Variants in SPTAN1 observed in about 807,000 individuals in gnomAD.
SPTAN1 encodes the protein spectrin alpha, non-erythrocytic 1.
In SPTAN1, 61 loss-of-function variants were observed where a neutral mutation model predicts 331.3. That is an observed-to-expected ratio of 0.18 (90% CI 0.15 to 0.23). The LOEUF (loss-of-function observed/expected upper bound fraction) is 0.23. SPTAN1 is among the 10% of genes least tolerant of loss of function. The pLI, the probability that SPTAN1 is intolerant of heterozygous loss-of-function variation, is 1.00. For missense variants in SPTAN1, 2,043 were observed against 3,147.9 expected (o/e 0.65, Z 8.40); for synonymous variants, 1,153 against 1,173.9 (o/e 0.98, Z 0.36).
Position 128,566,848 on chromosome 9 carries a change from G to A in SPTAN1, c.108G>A (p.Arg36=), listed in dbSNP as rs371017342. 41 of 1,614,090 alleles carry A rather than the reference G, an allele frequency of 2.5e-5. No homozygotes were observed. The African/African-American group carries it at 4.4e-4, about 17-fold the overall frequency. The part of the protein sequence containing the change: ...YHRFKELSTL[R]RQKLEDSYRF... ...GCTTCAAGGAACTCTCAACCCTTAG[G>A]CGTCAGAAGCTGGAAGATTCCTATC... The change falls in exon 2 of 57, where the codon AGG becomes AGA. Residue 36 remains arginine, a synonymous_variant. Coordinates refer to ENST00000372739, the MANE Select transcript of SPTAN1 (RefSeq NM_001130438.3).
chr9:128,619,922 C>T (rs1028153651), intron 44 of SPTAN1, among the ~76,000 whole-genome samples: 34 of 152,216 alleles, frequency 2.2e-4, no homozygotes, highest in African/African-American at 8.0e-4. Flanking sequence ...TCAGGCAGAG[C>T]GTGGCTGGGC....
chr9:128,575,248 A>C lies in SPTAN1; in HGVS notation c.554A>C (p.Glu185Ala). ...EELGQDLEHVEVLQKKFEEFQ... is the reference protein window; with the variant it reads ...EELGQDLEHVAVLQKKFEEFQ... ...CTGGGCCAGGATCTGGAGCATGTAG[A>C]GGTTTTACAGAAGAAATTTGAAGAG... is the stretch of plus-strand genomic sequence containing the variant. The change falls in exon 5 of 57, where the codon GAG (glutamate) becomes GCG (alanine). Residue 185 changes from glutamate to alanine, a missense_variant. Transcript: ENST00000372739. 6.2e-7 allele frequency: 1 copy of C among 1,614,204 alleles called. No homozygotes were observed. Among genetic ancestry groups the C allele is most frequent in the Non-Finnish European group, 8.5e-7 (1 of 1,180,042 alleles).
intron 46 of SPTAN1, 77 bp downstream of exon 46, chr9:128,624,564 C>A: frequency 6.4e-7 from 1 of 1,551,574 alleles, no homozygotes; most frequent in Non-Finnish European, 8.8e-7. Context: ...TGGTTTTCTT[C>A]TGCAGAGAAG....
At position 128,583,779 on chromosome 9, in the gene SPTAN1, C is replaced by G. The variant is rs368330278; in HGVS notation, c.2012-9C>G. On this transcript the variant is annotated splice_polypyrimidine_tract_variant and intron_variant, in intron 15 of 56. Transcript: ENST00000372739. ...AGCAGTACAAAATTAAACTTGTTTT[C>G]TTCCATAGGAATAAAGCTTCGTGAA... is the stretch of plus-strand genomic sequence containing the variant. 6.2e-7 allele frequency: 1 copy of G among 1,614,162 alleles called. No individual in the cohort carries two copies. The highest frequency in any genetic ancestry group is 1.3e-5 in the African/African-American group (1 of 75,048).
chr9:128,563,225 G>A (rs576106278), intron 1 of SPTAN1, among the ~76,000 whole-genome samples: 163 of 151,718 alleles, frequency 1.1e-3, no homozygotes, highest in African/African-American at 3.8e-3. Flanking sequence ...AGACTAGCCT[G>A]GGCAACATGG....
rs1368132952 is a variant in SPTAN1 at position 128,605,416 on chromosome 9, G to A, written c.3985G>A (p.Asp1329Asn). 6.2e-7 allele frequency: 1 copy of A among 1,614,212 alleles called. No homozygotes were observed. Among genetic ancestry groups the A allele is most frequent in the Non-Finnish European group, 8.5e-7 (1 of 1,180,040 alleles). ...QAWSSLGKRADQRKAKLGDSH... is the reference protein window; with the variant it reads ...QAWSSLGKRANQRKAKLGDSH... Reference sequence around the variant, plus strand: ...CTGGAGCAGCCTGGGGAAACGTGCAGATCAGCGCAAGGCAAAGTTGGGTGA... The same window carrying A: ...CTGGAGCAGCCTGGGGAAACGTGCAAATCAGCGCAAGGCAAAGTTGGGTGA... Residue 1329 changes from aspartate to asparagine, a missense_variant, in exon 31 of 57, where the codon GAT becomes AAT. Transcript: ENST00000372739.
In SPTAN1 at chr9:128,612,373, A is replaced by C. The variant is rs1468254640; in HGVS notation, c.5043+127A>C. 4.9e-6 allele frequency: 6 copies of C among 1,218,142 alleles called. No homozygotes were observed. The Admixed American group carries it at 5.4e-5, about 11-fold the overall frequency. 75.5% of individuals were successfully genotyped at this position (1,218,142 alleles called of 1,614,324 possible). A position where few individuals can be genotyped will look rare whatever the true frequency, so the allele number is the denominator to read the frequency against. ...GACACCCCTTTTGACAGAAACCCTTATTATATATGAGTTGCATGCTGTAAG... is the reference window on the plus strand; with the variant it reads ...GACACCCCTTTTGACAGAAACCCTTCTTATATATGAGTTGCATGCTGTAAG... On this transcript the variant is annotated intron_variant, in intron 39 of 56. Transcript: ENST00000372739.
chr9:128,582,982 A>G, intron 14 of SPTAN1, 95 bp from the exon 15 acceptor site: 1 of 1,573,582 alleles, frequency 6.4e-7, no homozygotes, highest in Non-Finnish European at 8.7e-7. Context: ...CAACTGTTTT[A>G]TACATTCCTC....
At chr9:128,562,784 G>C (rs1849526091) in intron 1 of SPTAN1, among the ~76,000 whole-genome samples, 1 of 151,768 alleles carries the variant, frequency 6.6e-6, no homozygotes, top group South Asian at 2.1e-4. Flanking sequence ...CTAGCACGGT[G>C]AAACGCCATC....
intron 19 of SPTAN1, 136 bp from the exon 20 acceptor site, chr9:128,587,470 G>C (rs2131234576): frequency 1.4e-6 from 1 of 734,964 alleles, no homozygotes. Context: ...TATTAGCACT[G>C]TAAGAAGGGC....
intron 56 of SPTAN1, 109 bp downstream of exon 56, chr9:128,633,064 T>C: frequency 6.3e-7 from 1 of 1,592,160 alleles, no homozygotes; most frequent in Non-Finnish European, 8.6e-7. Flanking sequence ...ATTCTCCCCA[T>C]TTACAAATCA....
chr9:128,599,052 A>G, intron 26 of SPTAN1, 66 bp downstream of exon 26: 2 of 1,497,156 alleles, frequency 1.3e-6, no homozygotes, highest in Non-Finnish European at 1.9e-6. Context: ...GAAGAATATC[A>G]AGCCAAGAAC....
chr9:128,607,682 G>A lies in SPTAN1; in HGVS notation c.4125G>A (p.Glu1375=), dbSNP rs1856065118. The change falls in exon 32 of 57, where the codon GAG becomes GAA. Residue 1375 remains glutamate, a synonymous_variant. Coordinates refer to ENST00000372739, the MANE Select transcript of SPTAN1 (RefSeq NM_001130438.3). ...TAGCCAAGGATGTCACCGGAGCTGA[G>A]GCATTGCTGGAGCGACACCAGGTGG... ...DELAKDVTGA[E]ALLERHQEHR... is the part of the protein sequence containing the mutation. 6.2e-7 allele frequency: 1 copy of A among 1,613,952 alleles called. No individual in the cohort carries two copies. The highest frequency in any genetic ancestry group is 1.3e-5 in the African/African-American group (1 of 74,888).
At chr9:128,604,886 T>C in intron 29 of SPTAN1, 148 bp from the exon 30 acceptor site, 1 of 814,992 alleles carries the variant, frequency 1.2e-6, no homozygotes, top group Non-Finnish European at 1.8e-6. Flanking sequence ...TGAGCTGAGA[T>C]TGTGCATTGT....
intron 10 of SPTAN1, among the ~76,000 whole-genome samples, chr9:128,580,592 A>C (rs1171168118): frequency 1.3e-5 from 2 of 151,844 alleles, no homozygotes; most frequent in African/African-American, 4.8e-5. Flanking sequence ...GAGAGTCCCT[A>C]CTCCATTTAT....
Position 128,624,086 on chromosome 9 carries a change from CAAAAAAAAAAA to C in SPTAN1, c.5833-226_5833-216del, listed in dbSNP as rs11444346. ...CGACGGAGTGAAATTCACTCCGTCT[CAAAAAAAAAAA>C]AAAAAAAAAAAAAAAGAATTCCTAA... is the stretch of plus-strand genomic sequence containing the variant. On this transcript the variant is annotated intron_variant, in intron 45 of 56. Coordinates refer to ENST00000372739, the MANE Select transcript of SPTAN1 (RefSeq NM_001130438.3). Among the ~76,000 whole-genome samples the C allele has an allele frequency of 0.33, 21,850 of 67,034 alleles. 2,386 individuals carry two copies. The highest frequency in any genetic ancestry group is 0.6 in the East Asian group (1,926 of 3,228). The allele number at this position is 67,034 out of a possible 152,430, so 44.0% of individuals were successfully genotyped here.
chr9:128,571,156 G>T lies in SPTAN1; in HGVS notation c.363+2259G>T, dbSNP rs188555057. Among the ~76,000 whole-genome samples, 56 of 152,150 alleles carry T rather than the reference G, an allele frequency of 3.7e-4. No homozygotes were observed. In the East Asian group the frequency reaches 8.9e-3, roughly 24 times the overall value. The stretch of plus-strand genomic sequence containing the variant: ...AATTTAAAAATTAGTGGGGCGTGGT[G>T]GTGCACACCTGTAGCCCCAGCTACT... On this transcript the variant is annotated intron_variant, in intron 3 of 56. Coordinates refer to ENST00000372739, the MANE Select transcript of SPTAN1 (RefSeq NM_001130438.3).
intron 53 of SPTAN1, 31 bp from the exon 54 acceptor site, chr9:128,632,400 G>A (rs531487423): frequency 1.9e-6 from 3 of 1,614,018 alleles, no homozygotes; most frequent in South Asian, 1.1e-5. Flanking sequence ...TGTGTGGAGG[G>A]TCTGTTCCCT....
chr9:128,592,861 A>C (rs1853713913), intron 22 of SPTAN1, 122 bp from the exon 23 acceptor site: 2 of 902,636 alleles, frequency 2.2e-6, no homozygotes, highest in Non-Finnish European at 3.6e-6. Flanking sequence ...CTGTTGAATA[A>C]CTCCATAGTT....
Sources: allele counts gnomAD v4.1 joint callset (sites outside exome capture counted in the v4.1 genomes callset), GRCh38; gene constraint gnomAD v4.1.1; transcripts MANE v1.5; gene names NCBI Gene and HGNC (gene_info 2026-07-23, HGNC 2026-07-21).